CACNA1I: variants seen among roughly 807,000 people sequenced by gnomAD.
The protein encoded by CACNA1I is calcium voltage-gated channel subunit alpha1 I, also known as voltage-dependent T-type calcium channel subunit alpha-1I.
In CACNA1I, 74 loss-of-function variants were observed where a neutral mutation model predicts 201.6. The ratio of observed to expected loss-of-function variants is 0.37; its 90% CI spans 0.30 to 0.45. The LOEUF (loss-of-function observed/expected upper bound fraction) is 0.45, where lower values mean the gene tolerates loss of function less well. CACNA1I is among the 20% of genes least tolerant of loss of function. The probability of loss-of-function intolerance (pLI) is 1.00; values close to 1 mark genes in which losing one functional copy is unlikely to be tolerated. For synonymous variants in CACNA1I, 1,431 were observed against 1,345.2 expected, an observed-to-expected ratio of 1.06 and a Z score of -1.40; for missense variants, 2,346 against 3,138.1, an observed-to-expected ratio of 0.75 and a Z score of 6.03.
chr22:39,640,726 C>T (rs1236344562), intron 5 of CACNA1I, 141 bp from the exon 6 acceptor site: 3 of 698,692 alleles, frequency 4.3e-6, no homozygotes, highest in Non-Finnish European at 7.2e-6. Context: ...GAAGGGTGAC[C>T]AAGGCAGGGG....
rs1935905426 is a variant in CACNA1I at position 39,686,927 on chromosome 22, A to G, written c.*522A>G. 6.6e-6 allele frequency: 1 copy of G among 151,576 alleles called. No individual in the cohort carries two copies. The highest frequency in any genetic ancestry group is 1.5e-5 in the Non-Finnish European group (1 of 67,910). 9.4% of individuals were successfully genotyped at this position (151,576 alleles called of 1,614,324 possible). The stretch of plus-strand genomic sequence containing the variant: ...GCACCAGGCCCTGGAGAAGAGGTGC[A>G]ATTCAGGGTGTGTGTGTGTTTTTTT... On this transcript the variant is annotated 3_prime_UTR_variant, in exon 37 of 37. Transcript: ENST00000402142.
Position 39,681,051 on chromosome 22 carries a change from A to G in CACNA1I, c.5663A>G (p.Lys1888Arg). The change falls in exon 34 of 37, where the codon AAG becomes AGG. Residue 1888 changes from lysine to arginine, a missense_variant and splice_region_variant. Around this residue, in one of 13 missense-constraint regions of CACNA1I, gnomAD observed 441 missense variants for 555.6 expected, o/e 0.79. Coordinates refer to ENST00000402142, the MANE Select transcript of CACNA1I (RefSeq NM_021096.4). The stretch of plus-strand genomic sequence containing the variant: ...TGCCCACCTGGCCGCAAAGACAGCA[A>G]GGTCAGCTCCCCTGGGGACTCCTGA... ...TACPPGRKDSKGELDPPEPMR... is the reference protein window; with the variant it reads ...TACPPGRKDSRGELDPPEPMR... The G allele has an allele frequency of 6.2e-7, 1 of 1,608,744 alleles. No individual in the cohort carries two copies. Among genetic ancestry groups the G allele is most frequent in the Non-Finnish European group, 8.5e-7 (1 of 1,178,736 alleles).
chr22:39,668,159 TC>T, intron 23 of CACNA1I, 132 bp from the exon 24 acceptor site: 1 of 622,762 alleles, frequency 1.6e-6, no homozygotes, highest in East Asian at 2.8e-5. Context: ...AGGGCACAGC[TC>T]TGCCACACAG....
intron 4 of CACNA1I, among the ~76,000 whole-genome samples, chr22:39,632,855 G>T (rs1355648095): frequency 4.0e-5 from 6 of 151,260 alleles, no homozygotes; most frequent in Non-Finnish European, 8.8e-5. Flanking sequence ...TCCCTGCTTG[G>T]GGGTGTAGGG....
chr22:39,595,861 C>T (rs527740441), intron 1 of CACNA1I, among the ~76,000 whole-genome samples: 1 of 151,626 alleles, frequency 6.6e-6, no homozygotes, highest in East Asian at 2.0e-4. Context: ...TGTAAAGTCC[C>T]TGTCCCCTTT....
chr22:39,652,545 G>T (rs537467772), intron 10 of CACNA1I, among the ~76,000 whole-genome samples: 2 of 152,318 alleles, frequency 1.3e-5, no homozygotes, highest in African/African-American at 4.8e-5. Context: ...TTATTACCTC[G>T]CCCCTCTTGT....
intron 20 of CACNA1I, 93 bp from the exon 21 acceptor site, chr22:39,664,646 C>T (rs1935126778): frequency 1.9e-6 from 1 of 516,856 alleles, no homozygotes; most frequent in Non-Finnish European, 3.5e-6. Context: ...CCGATCAGGC[C>T]TCGCCCCGCC....
At chr22:39,652,877 C>T (rs1934689067) in intron 10 of CACNA1I, among the ~76,000 whole-genome samples, 1 of 152,222 alleles carries the variant, frequency 6.6e-6, no homozygotes, top group East Asian at 1.9e-4. Flanking sequence ...TGTATTCCAG[C>T]CTGGACAACA....
At chr22:39,664,018 C>T in intron 19 of CACNA1I, 73 bp from the exon 20 acceptor site, 1 of 1,556,560 alleles carries the variant, frequency 6.4e-7, no homozygotes, top group Non-Finnish European at 8.9e-7. Flanking sequence ...GAACCTTGGC[C>T]AAAGCAGCGG....
At chr22:39,636,542 A>T (rs568253357) in intron 5 of CACNA1I, among the ~76,000 whole-genome samples, 49 of 152,288 alleles carry the variant, frequency 3.2e-4, no homozygotes, top group Non-Finnish European at 6.2e-4. Context: ...AGTAAAGTTC[A>T]CGCACGTCTG....
rs139767087 is a variant in CACNA1I at position 39,665,805 on chromosome 22, C to T, written c.3979-76C>T. 203 of 1,594,880 alleles carry T rather than the reference C, an allele frequency of 1.3e-4. 1 individual carries two copies. In the East Asian group the frequency reaches 3.7e-3, roughly 29 times the overall value. Reference sequence around the variant, plus strand: ...CTGAGCACAAGACAGTCTGAGTAAACGCGATCGAGAGGCGAGTTCCTCTCT... The same window carrying T: ...CTGAGCACAAGACAGTCTGAGTAAATGCGATCGAGAGGCGAGTTCCTCTCT... On this transcript the variant is annotated intron_variant, in intron 22 of 36. Coordinates refer to ENST00000402142, the MANE Select transcript of CACNA1I (RefSeq NM_021096.4). The surrounding 1 kb of genome is among the most constrained non-coding windows in gnomAD (Gnocchi z 5.5).
chr22:39,594,258 G>A (rs559362655), intron 1 of CACNA1I, among the ~76,000 whole-genome samples: 2 of 152,182 alleles, frequency 1.3e-5, no homozygotes, highest in East Asian at 3.9e-4. Flanking sequence ...GGCAGCAGGG[G>A]CACCGGGCTC....
intron 26 of CACNA1I, among the ~76,000 whole-genome samples, chr22:39,671,617 G>T (rs1421543069): frequency 1.3e-5 from 2 of 152,184 alleles, no homozygotes; most frequent in East Asian, 3.8e-4. Flanking sequence ...AGTTGGAGGG[G>T]AAGAAGAGGG....
chr22:39,641,007 G>C lies in CACNA1I; in HGVS notation c.881G>C (p.Cys294Ser). 1 of 1,614,056 alleles carries C rather than the reference G, an allele frequency of 6.2e-7. No homozygotes were observed. Among genetic ancestry groups the C allele is most frequent in the Non-Finnish European group, 8.5e-7 (1 of 1,179,912 alleles). The change falls in exon 6 of 37, where the codon TGC becomes TCC. Residue 294 changes from cysteine to serine, a missense_variant. Cys to Ser is a moderately radical substitution (Grantham distance 112, BLOSUM62 -1). Transcript: ENST00000402142. ...CTCAAGGAGCAGGGCCGTGAGTGCT[G>C]CCTGTCCAAGGACGACGTCTACGAC... is the stretch of plus-strand genomic sequence containing the variant. ...PPLKEQGREC[C>S]LSKDDVYDFG...
intron 3 of CACNA1I, among the ~76,000 whole-genome samples, chr22:39,609,535 T>C (rs1933321510): frequency 6.6e-6 from 1 of 152,168 alleles, no homozygotes; most frequent in African/African-American, 2.4e-5. Flanking sequence ...GTGGGTGTCA[T>C]GTCTGAATTA....
intron 1 of CACNA1I, among the ~76,000 whole-genome samples, chr22:39,576,750 AC>A (rs1217296448): frequency 1.1e-4 from 16 of 152,172 alleles, no homozygotes; most frequent in African/African-American, 2.7e-4. Flanking sequence ...AAAGTTGGGC[AC>A]CAGGTCTGGA....
At chr22:39,601,777 T>C (rs983250671) in intron 3 of CACNA1I, among the ~76,000 whole-genome samples, 1 of 151,264 alleles carries the variant, frequency 6.6e-6, no homozygotes, top group African/African-American at 2.4e-5. Context: ...ACTAGGGTTT[T>C]AAAAAAGTTA....
At chr22:39,683,622 G>A (rs1026937124) in intron 35 of CACNA1I, among the ~76,000 whole-genome samples, 11 of 152,342 alleles carry the variant, frequency 7.2e-5, no homozygotes, top group Admixed American at 3.3e-4. Flanking sequence ...CTGTCCAGCC[G>A]TCTTGGGTAC....
At position 39,647,900 on chromosome 22, in the gene CACNA1I, C is replaced by T. The variant is rs1368293813; in HGVS notation, c.1541C>T (p.Ser514Phe). Reference protein sequence around the residue: ...RHCQTLHGPASPGNDHSGREL... With the variant: ...RHCQTLHGPAFPGNDHSGREL... Reference sequence around the variant, plus strand: ...TGCCAGACTTTGCATGGGCCTGCCTCCCCTGGAAATGATCACTCGGGAAGA... The same window carrying T: ...TGCCAGACTTTGCATGGGCCTGCCTTCCCTGGAAATGATCACTCGGGAAGA... Residue 514 changes from serine (S) to phenylalanine (F), a missense_variant, in exon 9 of 37, where the codon TCC (serine) becomes TTC (phenylalanine). By Grantham distance (155) the Ser-to-Phe change is radical. Transcript: ENST00000402142. The T allele has an allele frequency of 3.5e-5, 57 of 1,613,472 alleles. No homozygotes were observed. Among genetic ancestry groups the T allele is most frequent in the Non-Finnish European group, 4.8e-5 (57 of 1,179,844 alleles).
Sources: gnomAD v4.1 joint callset for allele counts (sites outside exome capture counted in the v4.1 genomes callset) on GRCh38, gnomAD v4.1.1 for gene constraint, gnomAD v4.1.1 regional missense constraint, Gnocchi (gnomAD v3.1) non-coding constraint, MANE v1.5 for transcripts, NCBI Gene and HGNC (gene_info 2026-07-23, HGNC 2026-07-21) for gene names.